The following WDR72 variants were observed in gnomAD, a reference collection of about 807,000 sequenced individuals.
WDR72 encodes the protein WD repeat domain 72, also known as WD repeat-containing protein 72.
Under a neutral mutation model 124.2 loss-of-function variants are expected in WDR72, and 120 were observed. The ratio of observed to expected loss-of-function variants is 0.97; its 90% CI spans 0.83 to 1.12. The LOEUF (loss-of-function observed/expected upper bound fraction) is 1.12, where lower values mean the gene tolerates loss of function less well. WDR72 is among the 50% of genes most tolerant of loss of function. The probability of loss-of-function intolerance (pLI) is 0.00; values close to 1 mark genes in which losing one functional copy is unlikely to be tolerated. For missense variants in WDR72, 1,387 were observed against 1,278.8 expected, an observed-to-expected ratio of 1.08 and a Z score of -1.29; for synonymous variants, 452 against 441.7, an observed-to-expected ratio of 1.02 and a Z score of -0.29.
intron 13 of WDR72, among the ~76,000 whole-genome samples, chr15:53,672,312 T>TAAA (rs5812704): frequency 0.56 from 75,668 of 136,300 alleles, 24,170 homozygotes; most frequent in Middle Eastern, 0.81. Flanking sequence ...AAATGCCGAT[T>TAAA]AAAAAAAAAA....
chr15:53,687,167 C>A (rs564564100), intron 13 of WDR72, among the ~76,000 whole-genome samples: 139 of 147,630 alleles, frequency 9.4e-4, no homozygotes, highest in African/African-American at 3.3e-3. Context: ...AAAGCAAGAG[C>A]AAACACATTC....
At chr15:53,706,878 T>C (rs2017395024) in intron 9 of WDR72, among the ~76,000 whole-genome samples, 1 of 152,068 alleles carries the variant, frequency 6.6e-6, no homozygotes, top group Non-Finnish European at 1.5e-5. Context: ...ATCTAAATTA[T>C]ATATAACTTA....
chr15:53,687,276 G>T (rs1315209523), intron 13 of WDR72, among the ~76,000 whole-genome samples: 1 of 149,388 alleles, frequency 6.7e-6, no homozygotes, highest in Non-Finnish European at 1.5e-5. Flanking sequence ...TCCAGGAGCT[G>T]GTTTTTTGAA....
chr15:53,559,737 A>C (rs1894062539), intron 18 of WDR72, among the ~76,000 whole-genome samples: 1 of 151,920 alleles, frequency 6.6e-6, no homozygotes, highest in Non-Finnish European at 1.5e-5. Flanking sequence ...ACAAAAAGAG[A>C]AAGAAAAATC....
At chr15:53,625,804 A>C (rs2014182947) in intron 14 of WDR72, among the ~76,000 whole-genome samples, 1 of 152,082 alleles carries the variant, frequency 6.6e-6, no homozygotes, top group Non-Finnish European at 1.5e-5. Flanking sequence ...CAGACAAAAA[A>C]AAAAAAATGT....
intron 18 of WDR72, 112 bp from the exon 19 acceptor site, chr15:53,523,434 A>G: frequency 1.0e-6 from 1 of 953,634 alleles, no homozygotes; most frequent in Non-Finnish European, 1.7e-6. Context: ...CCAGGGACAC[A>G]CTATGTAAAC....
chr15:53,689,162 C>T (rs1330881289), intron 13 of WDR72, among the ~76,000 whole-genome samples: 2 of 152,184 alleles, frequency 1.3e-5, no homozygotes, highest in African/African-American at 4.8e-5. Context: ...TGGGCCAGGA[C>T]TTCACGTCTA....
chr15:53,610,202 T>C (rs1276066692), intron 16 of WDR72, among the ~76,000 whole-genome samples: 1 of 152,172 alleles, frequency 6.6e-6, no homozygotes, highest in African/African-American at 2.4e-5. Flanking sequence ...TTTGCCTTAA[T>C]GTTCAGTGTG....
rs374838839 is a variant in WDR72, at chr15:53,619,606, G to A, written c.1963-3363C>T. Among the ~76,000 whole-genome samples, 5 of 151,986 alleles carry A rather than the reference G, an allele frequency of 3.3e-5. No homozygotes were observed. The East Asian group carries it at 9.7e-4, about 29-fold the overall frequency. On this transcript the variant is annotated intron_variant, in intron 14 of 19. Coordinates refer to ENST00000360509, the MANE Select transcript of WDR72 (RefSeq NM_182758.4). ...CTTGGTTGGCTTTCTCACTGAATAC[G>A]CATCTCTTAGAGGACAATGAGCTTA...
intron 14 of WDR72, among the ~76,000 whole-genome samples, chr15:53,639,835 A>C (rs1457633514): frequency 6.6e-6 from 1 of 152,036 alleles, no homozygotes; most frequent in Non-Finnish European, 1.5e-5. Flanking sequence ...CTGCCCTTCC[A>C]GTTGCAATCT....
intron 2 of WDR72, among the ~76,000 whole-genome samples, chr15:53,728,156 C>A (rs567037556): frequency 6.6e-6 from 1 of 152,168 alleles, no homozygotes. Context: ...GGAGGCCTCC[C>A]AATCATGGTG....
intron 14 of WDR72, among the ~76,000 whole-genome samples, chr15:53,647,136 T>C (rs1220216561): frequency 6.6e-6 from 1 of 151,972 alleles, no homozygotes; most frequent in Non-Finnish European, 1.5e-5. Flanking sequence ...ATCATATAAC[T>C]CCATGTGAAA....
intron 18 of WDR72, among the ~76,000 whole-genome samples, chr15:53,524,147 TGAA>T (rs1270842561): frequency 1.2e-4 from 19 of 152,182 alleles, no homozygotes; most frequent in African/African-American, 4.1e-4. Context: ...CTTGTCTTCA[TGAA>T]GAAGCTCAGT....
At chr15:53,649,120 T>C (rs952476454) in intron 14 of WDR72, among the ~76,000 whole-genome samples, 4 of 152,130 alleles carry the variant, frequency 2.6e-5, no homozygotes, top group African/African-American at 4.8e-5. Flanking sequence ...GCACTGCCAA[T>C]TGCAGAGGTC....
At chr15:53,701,559 T>TCTCTCTCTCTCTCTCTCTCA (rs369568228) in intron 12 of WDR72, among the ~76,000 whole-genome samples, 1 of 120,102 alleles carries the variant, frequency 8.3e-6, no homozygotes, top group African/African-American at 2.9e-5. Context: ...TCTCTCTCTC[T>TCTCTCTCTCTCTCTCTCTCA]CACACACACA....
intron 18 of WDR72, among the ~76,000 whole-genome samples, chr15:53,526,259 T>C (rs1892111317): frequency 2.0e-5 from 3 of 151,888 alleles, no homozygotes; most frequent in Admixed American, 2.0e-4. Flanking sequence ...AGGGACATGG[T>C]TTTTAGTAGT....
intron 18 of WDR72, among the ~76,000 whole-genome samples, chr15:53,527,259 C>A (rs984383951): frequency 6.6e-6 from 1 of 152,064 alleles, no homozygotes; most frequent in African/African-American, 2.4e-5. Flanking sequence ...TACTCCTCCA[C>A]CTGCTCTGTT....
chr15:53,682,925 G>A (rs1014204795), intron 13 of WDR72, among the ~76,000 whole-genome samples: 1 of 152,108 alleles, frequency 6.6e-6, no homozygotes, highest in Non-Finnish European at 1.5e-5. Flanking sequence ...GAAGAAAGAG[G>A]CTTAATTGAC....
At position 53,711,199 on chromosome 15, in the gene WDR72, G is replaced by C. The variant is rs1176386212; in HGVS notation, c.857+137C>G. 4 of 1,262,900 alleles carry C rather than the reference G, an allele frequency of 3.2e-6. No individual in the cohort carries two copies. In the African/African-American group the frequency reaches 4.4e-5, roughly 14 times the overall value. 78.2% of individuals were successfully genotyped at this position (1,262,900 alleles called of 1,614,324 possible). On this transcript the variant is annotated intron_variant, in intron 8 of 19. Coordinates refer to ENST00000360509, the MANE Select transcript of WDR72 (RefSeq NM_182758.4). ...CAAAGGCTGAAGCCTACCAAGCCCA[G>C]AGTAAATCTTCTAGTGCCAAAGTTG...
Sources: allele counts gnomAD v4.1 joint callset (sites outside exome capture counted in the v4.1 genomes callset), GRCh38; gene constraint gnomAD v4.1.1; transcripts MANE v1.5; gene names NCBI Gene and HGNC (gene_info 2026-07-23, HGNC 2026-07-21).